Variants in CACNA2D1 observed in about 807,000 individuals in gnomAD.
CACNA2D1 encodes the protein calcium voltage-gated channel auxiliary subunit alpha2delta 1.
A neutral mutation model predicts 171.5 loss-of-function variants in CACNA2D1; 53 were observed. The observed-to-expected ratio is 0.31, with a 90% CI of 0.25 to 0.39. The LOEUF is 0.39. Among genes scored for constraint, CACNA2D1 ranks in the 10% least tolerant of loss-of-function variants. CACNA2D1 has a pLI of 1.00. For missense variants in CACNA2D1, 903 were observed against 1,299.8 expected, an observed-to-expected ratio of 0.69 and a Z score of 4.69; for synonymous variants, 442 against 443.1, an observed-to-expected ratio of 1.00 and a Z score of 0.03.
intron 3 of CACNA2D1, among the ~76,000 whole-genome samples, chr7:82,260,372 A>AT (rs1806913529): frequency 6.6e-6 from 1 of 152,192 alleles, no homozygotes; most frequent in African/African-American, 2.4e-5. Flanking sequence ...TACTTTTTCC[A>AT]TAAGAGGTGA....
At chr7:82,179,872 CAAT>C (rs1796934830) in intron 3 of CACNA2D1, among the ~76,000 whole-genome samples, 2 of 151,178 alleles carry the variant, frequency 1.3e-5, no homozygotes, top group Admixed American at 6.6e-5. Context: ...GTCATAAAGT[CAAT>C]AAACTGAATT....
chr7:82,170,567 A>G lies in CACNA2D1; in HGVS notation c.337T>C (p.Trp113Arg). 6.2e-7 allele frequency: 1 copy of G among 1,612,584 alleles called. No homozygotes were observed. Among genetic ancestry groups the G allele is most frequent in the Non-Finnish European group, 8.5e-7 (1 of 1,179,024 alleles). ...GTTCTTACTGCAAAATCTTCTCTCCACTGGTGAGCTGCTTGAACTTTCTCC... is the reference window on the plus strand; with the variant it reads ...GTTCTTACTGCAAAATCTTCTCTCCGCTGGTGAGCTGCTTGAACTTTCTCC... ...EAEKVQAAHQWREDFASNEVV... is the reference protein window; with the variant it reads ...EAEKVQAAHQRREDFASNEVV... Residue 113 changes from tryptophan (W) to arginine (R), a missense_variant, in exon 4 of 39, where the codon TGG becomes CGG. Trp to Arg is a moderately radical substitution (Grantham distance 101). Coordinates refer to ENST00000356860, the MANE Select transcript of CACNA2D1 (RefSeq NM_000722.4).
chr7:82,316,114 A>T (rs966209030), intron 3 of CACNA2D1, among the ~76,000 whole-genome samples: 23 of 152,140 alleles, frequency 1.5e-4, no homozygotes, highest in African/African-American at 5.3e-4. Flanking sequence ...ATAATTATAA[A>T]TTTTAAATAC....
chr7:82,084,283 A>G (rs1301766011), intron 7 of CACNA2D1, among the ~76,000 whole-genome samples: 1 of 152,046 alleles, frequency 6.6e-6, no homozygotes, highest in Non-Finnish European at 1.5e-5. Context: ...CCTGACACAT[A>G]AGAAAAACTC....
chr7:82,343,779 C>G lies in CACNA2D1; in HGVS notation c.177+5789G>C, dbSNP rs140419133. Among the ~76,000 whole-genome samples, 737 of 152,182 alleles carry G rather than the reference C, an allele frequency of 4.8e-3. 3 individuals are homozygous for G. Among genetic ancestry groups the G allele is most frequent in the African/African-American group, 0.017 (691 of 41,532 alleles). ...ATATGCAATTAGAAGTGAAAAAGAT[C>G]ATACTAAATTCATTAAAACTAAATT... On this transcript the variant is annotated intron_variant, in intron 2 of 38. Transcript: ENST00000356860.
intron 3 of CACNA2D1, among the ~76,000 whole-genome samples, chr7:82,246,120 T>C (rs1255731031): frequency 6.6e-6 from 1 of 151,862 alleles, no homozygotes; most frequent in Non-Finnish European, 1.5e-5. Flanking sequence ...CTCATGTTTA[T>C]TGTAGAAAAA....
chr7:81,953,910 T>C (rs1023517912), intron 38 of CACNA2D1, among the ~76,000 whole-genome samples: 11 of 152,128 alleles, frequency 7.2e-5, no homozygotes, highest in African/African-American at 2.7e-4. Context: ...TTTAATTTCC[T>C]CTGTGTGATG....
chr7:82,331,904 A>T (rs1817343556), intron 3 of CACNA2D1, among the ~76,000 whole-genome samples: 5 of 152,132 alleles, frequency 3.3e-5, no homozygotes, highest in Admixed American at 2.0e-4. Flanking sequence ...AGTAGATAGC[A>T]CCTTATTTTT....
At chr7:82,197,629 T>C (rs11972578) in intron 3 of CACNA2D1, among the ~76,000 whole-genome samples, 192 of 152,196 alleles carry the variant, frequency 1.3e-3, no homozygotes, top group African/African-American at 4.4e-3. Flanking sequence ...CTGGTCATTC[T>C]CCATAAATTC....
intron 6 of CACNA2D1, among the ~76,000 whole-genome samples, chr7:82,110,027 T>G (rs950006071): frequency 2.0e-5 from 3 of 152,222 alleles, no homozygotes. Context: ...CAGATTTTTT[T>G]GTATAAATGT....
intron 10 of CACNA2D1, among the ~76,000 whole-genome samples, chr7:82,043,740 ACT>A (rs1584519844): frequency 6.6e-6 from 1 of 152,128 alleles, no homozygotes; most frequent in African/African-American, 2.4e-5. Context: ...GAGAAGAGGG[ACT>A]CTGCTTGTCA....
intron 3 of CACNA2D1, among the ~76,000 whole-genome samples, chr7:82,246,237 A>T (rs2129304866): frequency 6.6e-6 from 1 of 150,976 alleles, no homozygotes; most frequent in East Asian, 1.9e-4. Context: ...ATCTATATAT[A>T]TATCTTTATA....
At chr7:82,443,239 T>C in intron 1 of CACNA2D1, 126 bp downstream of exon 1, 1 of 893,632 alleles carries the variant, frequency 1.1e-6, no homozygotes, top group Non-Finnish European at 1.6e-6. Context: ...CATCCGAGCC[T>C]GGCTCCCCGG....
rs1001860955 is a variant in CACNA2D1, at chr7:82,191,852, G to A, written c.295-21243C>T. 4.0e-5 allele frequency among the ~76,000 whole-genome samples: 6 copies of A among 151,668 alleles called. No homozygotes were observed. The South Asian group carries it at 1.0e-3, about 26-fold the overall frequency. On this transcript the variant is annotated intron_variant, in intron 3 of 38. Coordinates refer to ENST00000356860, the MANE Select transcript of CACNA2D1 (RefSeq NM_000722.4). ...TTAATGAATATATTTCAAAGAAATA[G>A]GCTGTAACATACAAGCTTAATGAGA...
intron 21 of CACNA2D1, among the ~76,000 whole-genome samples, chr7:81,990,304 A>T (rs1797410567): frequency 6.6e-6 from 1 of 152,300 alleles, no homozygotes; most frequent in South Asian, 2.1e-4. Context: ...TATAATAGTA[A>T]AAATTTTGAG....
At chr7:82,279,528 A>G (rs1255876314) in intron 3 of CACNA2D1, among the ~76,000 whole-genome samples, 1 of 152,172 alleles carries the variant, frequency 6.6e-6, no homozygotes, top group Non-Finnish European at 1.5e-5. Flanking sequence ...GACTATTAAT[A>G]CTTCTAAATC....
At chr7:81,956,433 T>TTATAGAAATATAATTTG (rs1383477223) in intron 38 of CACNA2D1, among the ~76,000 whole-genome samples, 1 of 152,124 alleles carries the variant, frequency 6.6e-6, no homozygotes, top group Non-Finnish European at 1.5e-5. Context: ...ATAAGGACAA[T>TTATAGAAATATAATTTG]TATAGAAATA....
chr7:82,148,604 C>T (rs2129103367), intron 4 of CACNA2D1, among the ~76,000 whole-genome samples: 1 of 152,218 alleles, frequency 6.6e-6, no homozygotes, highest in East Asian at 1.9e-4. Context: ...GAAAACTCCC[C>T]AGCTTCCCTG....
intron 4 of CACNA2D1, among the ~76,000 whole-genome samples, chr7:82,167,386 G>T (rs1795564557): frequency 6.6e-6 from 1 of 151,898 alleles, no homozygotes; most frequent in South Asian, 2.1e-4. Flanking sequence ...TGGTCTTGAA[G>T]GATTTATTTA....
Sources: gnomAD v4.1 joint callset for allele counts (sites outside exome capture counted in the v4.1 genomes callset) on GRCh38, gnomAD v4.1.1 for gene constraint, MANE v1.5 for transcripts, NCBI Gene and HGNC (gene_info 2026-07-23, HGNC 2026-07-21) for gene names.